Variants in PPP6R2 observed in about 807,000 individuals in gnomAD.
PPP6R2 encodes protein phosphatase 6 regulatory subunit 2.
PPP6R2 carries 62 observed loss-of-function variants against 100.2 expected under a neutral mutation model. The ratio of observed to expected loss-of-function variants is 0.62; its 90% CI spans 0.50 to 0.76. The LOEUF is 0.76. Ranked by LOEUF, PPP6R2 falls within the 30% of genes least tolerant of loss-of-function variation. The probability of loss-of-function intolerance (pLI) is 0.00; values close to 1 mark genes in which losing one functional copy is unlikely to be tolerated. For missense variants in PPP6R2, 1,142 were observed against 1,276.3 expected, an observed-to-expected ratio of 0.89 and a Z score of 1.60; for synonymous variants, 525 against 514.7, an observed-to-expected ratio of 1.02 and a Z score of -0.27.
chr22:50,444,621 T>G lies in PPP6R2; in HGVS notation c.*374T>G, dbSNP rs1469868172. ...GGACATGGAGGCTGTTTTTACAGTTTTTTTTTTGTTGTTGTTTTGTTTTTA... is the reference window on the plus strand; with the variant it reads ...GGACATGGAGGCTGTTTTTACAGTTGTTTTTTTGTTGTTGTTTTGTTTTTA... On this transcript the variant is annotated 3_prime_UTR_variant, in exon 24 of 24. Transcript: ENST00000612753. The G allele has an allele frequency of 2.1e-5, 5 of 238,568 alleles. No individual in the cohort carries two copies. The East Asian group carries it at 3.3e-4, about 16-fold the overall frequency. 14.8% of individuals were successfully genotyped at this position (238,568 alleles called of 1,614,324 possible).
At position 50,406,873 on chromosome 22, in the gene PPP6R2, C is replaced by G. The variant is rs2059023047; in HGVS notation, c.412C>G (p.Gln138Glu). Reference protein sequence around the residue: ...IGNLIARKTEQVITFLKKKDK... With the variant: ...IGNLIARKTEEVITFLKKKDK... ...CAATCTCATTGCAAGAAAAACCGAA[C>G]AGGTAAATCACGTGCAAAGCCTCCG... The change falls in exon 4 of 24, where the codon CAG becomes GAG. Residue 138 changes from glutamine to glutamate, a missense_variant and splice_region_variant. Transcript: ENST00000612753. 6.2e-7 allele frequency: 1 copy of G among 1,613,034 alleles called. No individual in the cohort carries two copies. The highest frequency in any genetic ancestry group is 1.3e-5 in the African/African-American group (1 of 75,016).
At chr22:50,399,392 A>C (rs2057668719) in intron 3 of PPP6R2, among the ~76,000 whole-genome samples, 1 of 152,256 alleles carries the variant, frequency 6.6e-6, no homozygotes, top group African/African-American at 2.4e-5. Context: ...ATGGGGCTAC[A>C]TTCCAAGAAG....
intron 8 of PPP6R2, among the ~76,000 whole-genome samples, 188 bp from the exon 9 acceptor site, chr22:50,422,066 A>G (rs9616998): frequency 0.38 from 57,617 of 151,558 alleles, 11,352 homozygotes; most frequent in East Asian, 0.67. Context: ...GGTCTTTAGT[A>G]CCTTTCTCTT....
intron 2 of PPP6R2, among the ~76,000 whole-genome samples, chr22:50,382,864 G>T (rs1440032996): frequency 2.0e-5 from 3 of 149,900 alleles, no homozygotes; most frequent in East Asian, 3.9e-4. Context: ...TTGAGATAGG[G>T]TCTCACTCTG....
At chr22:50,398,941 C>A (rs1001655074) in intron 3 of PPP6R2, among the ~76,000 whole-genome samples, 75 of 152,198 alleles carry the variant, frequency 4.9e-4, no homozygotes, top group Non-Finnish European at 8.4e-4. Context: ...AAACAAAAAA[C>A]ACTTTTTTTG....
chr22:50,356,642 C>T (rs73188926), intron 1 of PPP6R2, among the ~76,000 whole-genome samples: 28,685 of 151,940 alleles, frequency 0.19, 2,994 homozygotes, highest in South Asian at 0.35. Flanking sequence ...TAAGAAACTG[C>T]CAGTTTTCGG....
chr22:50,393,814 C>A, intron 2 of PPP6R2, 79 bp from the exon 3 acceptor site: 1 of 1,578,092 alleles, frequency 6.3e-7, no homozygotes, highest in Admixed American at 1.7e-5. Context: ...GAGAAATGAC[C>A]CCTTTGGACT....
At chr22:50,374,155 A>G (rs975234204) in intron 2 of PPP6R2, among the ~76,000 whole-genome samples, 2 of 152,166 alleles carry the variant, frequency 1.3e-5, no homozygotes, top group Non-Finnish European at 2.9e-5. Context: ...AAGTGCCGAG[A>G]TTATAGGTGT....
At chr22:50,434,851 C>T (rs2063867794) in intron 12 of PPP6R2, 115 bp from the exon 13 acceptor site, 1 of 889,864 alleles carries the variant, frequency 1.1e-6, no homozygotes, top group East Asian at 2.7e-5. Context: ...TGGGCAGGGG[C>T]CGGGCACTTG....
intron 1 of PPP6R2, among the ~76,000 whole-genome samples, chr22:50,353,464 A>G (rs994085856): frequency 1.3e-5 from 2 of 152,194 alleles, no homozygotes; most frequent in African/African-American, 4.8e-5. Context: ...GTAGTTTCCC[A>G]AAACAATTAA....
In PPP6R2 at chr22:50,413,111, C is replaced by T. The variant is rs563292968; in HGVS notation, c.415-1441C>T. ...TAGCTGGGATTACAGGCATGCACCA[C>T]CACGCTTGGCTAATTTTGTATTTTT... On this transcript the variant is annotated intron_variant, in intron 4 of 23. Coordinates refer to ENST00000612753, the MANE Select transcript of PPP6R2 (RefSeq NM_001242898.2). Among the ~76,000 whole-genome samples the T allele has an allele frequency of 1.2e-3, 186 of 152,042 alleles. 2 individuals carry two copies. The highest frequency in any genetic ancestry group is 4.3e-3 in the African/African-American group (177 of 41,474).
intron 3 of PPP6R2, among the ~76,000 whole-genome samples, chr22:50,396,278 C>CCT (rs1203697152): frequency 2.1e-5 from 3 of 146,288 alleles, no homozygotes; most frequent in African/African-American, 7.5e-5. Context: ...GGGCAGATCA[C>CCT]GAGGTCAGGA....
chr22:50,436,842 G>C, intron 14 of PPP6R2, 146 bp from the exon 15 acceptor site: 1 of 705,976 alleles, frequency 1.4e-6, no homozygotes, highest in Non-Finnish European at 2.5e-6. Flanking sequence ...TACACAGCAC[G>C]GCCTCCTGGG....
intron 4 of PPP6R2, among the ~76,000 whole-genome samples, chr22:50,409,267 T>C (rs1015203342): frequency 5.9e-5 from 9 of 152,192 alleles, no homozygotes; most frequent in Non-Finnish European, 8.8e-5. Context: ...ATGAATTCTT[T>C]CAAACGTCTA....
intron 19 of PPP6R2, among the ~76,000 whole-genome samples, chr22:50,439,016 G>A (rs1189688469): frequency 1.3e-5 from 2 of 152,184 alleles, no homozygotes; most frequent in African/African-American, 4.8e-5. Flanking sequence ...GGTGGGTGGT[G>A]TCCACCTAGT....
At position 50,438,722 on chromosome 22, in the gene PPP6R2, C is replaced by G. The variant is rs371063263; in HGVS notation, c.2088C>G (p.Pro696=). The change falls in exon 19 of 24, where the codon CCC becomes CCG. Residue 696 remains proline (P), a synonymous_variant. Coordinates refer to ENST00000612753, the MANE Select transcript of PPP6R2 (RefSeq NM_001242898.2). The part of the protein sequence containing the change: ...DAPGAGAPPA[P]GKKEAPPVEG... ...CTGGGGCAGGTGCCCCACCGGCCCC[C>G]GGGAAGAAGGAAGCGCCCCCTGTGG... is the stretch of plus-strand genomic sequence containing the variant. 2 of 1,611,808 alleles carry G rather than the reference C, an allele frequency of 1.2e-6. No individual in the cohort carries two copies. The highest frequency in any genetic ancestry group is 2.2e-5 in the East Asian group (1 of 44,700).
chr22:50,418,767 C>T (rs2060902585), intron 6 of PPP6R2, 100 bp from the exon 7 acceptor site: 1 of 863,092 alleles, frequency 1.2e-6, no homozygotes, highest in Admixed American at 2.0e-5. Flanking sequence ...CTAGCATCTG[C>T]CAGAGAAGCA....
chr22:50,349,356 CCT>C (rs1482453568), intron 1 of PPP6R2, among the ~76,000 whole-genome samples: 1 of 137,040 alleles, frequency 7.3e-6, no homozygotes, highest in Non-Finnish European at 1.5e-5. Context: ...AGCGTGAGAC[CCT>C]GTCTCAAAAA....
chr22:50,438,065 C>G, intron 17 of PPP6R2, 109 bp from the exon 18 acceptor site: 1 of 1,512,612 alleles, frequency 6.6e-7, no homozygotes, highest in Non-Finnish European at 8.9e-7. Context: ...TCCCCTCCAG[C>G]CCGGGGCTCC....
Sources: allele counts gnomAD v4.1 joint callset (sites outside exome capture counted in the v4.1 genomes callset), GRCh38; gene constraint gnomAD v4.1.1; transcripts MANE v1.5; gene names NCBI Gene and HGNC (gene_info 2026-07-23, HGNC 2026-07-21).